PRAC2: variants seen among roughly 807,000 people sequenced by gnomAD.
The protein encoded by PRAC2 is protein PRAC2.
For missense variants in PRAC2, 92 were observed against 114.5 expected (o/e 0.80, Z 0.90); for synonymous variants, 43 against 49.5 (o/e 0.87, Z 0.55).
upstream of PRAC2, among the ~76,000 whole-genome samples, chr17:48,719,239 A>ACACG (rs1555557232): frequency 2.6e-4 from 35 of 136,612 alleles, no homozygotes; most frequent in African/African-American, 9.4e-4. Context: ...ACACACACAC[A>ACACG]CACACGCACA....
chr17:48,723,647 T>TGGC (rs1168745518), intron 1 of PRAC2: 21 of 1,178,962 alleles, frequency 1.8e-5, no homozygotes, highest in Middle Eastern at 3.2e-4. Context: ...GATTCTCGGC[T>TGGC]GGCGGCGGCC....
upstream of PRAC2, among the ~76,000 whole-genome samples, chr17:48,721,463 T>C (rs1487755467): frequency 6.6e-6 from 1 of 152,156 alleles, no homozygotes; most frequent in African/African-American, 2.4e-5. Flanking sequence ...GTAGCTGGAA[T>C]TACAGGTGTG....
chr17:48,719,853 C>G (rs536854346), upstream of PRAC2, among the ~76,000 whole-genome samples: 7 of 152,268 alleles, frequency 4.6e-5, no homozygotes, highest in South Asian at 1.2e-3. Context: ...GCGCGAGGCC[C>G]GGTTTCTCGC....
At chr17:48,719,453 C>T (rs551154289), upstream of PRAC2, among the ~76,000 whole-genome samples, 1 of 152,280 alleles carries the variant, frequency 6.6e-6, no homozygotes, top group Admixed American at 6.5e-5. Context: ...GGCTCGGCAG[C>T]CGCCCTGGTA....
At position 48,724,629 on chromosome 17, in the gene PRAC2, G is replaced by GC. The variant is rs1278179349; in HGVS notation, c.221dup (p.Val75CysfsTer29). On this transcript the variant is annotated frameshift_variant, in exon 2 of 2. Coordinates refer to ENST00000422730, the MANE Select transcript of PRAC2 (RefSeq NM_001282275.2). LOFTEE classifies it low-confidence loss of function (END_TRUNC). ...CCCACGAGGCCCCAGGCCGCTGGAA[G>GC]CCTGTAGCTCCGCGGACGATGAAAG... 5 of 1,232,076 alleles carry GC rather than the reference G, an allele frequency of 4.1e-6. No homozygotes were observed. In the African/African-American group the frequency reaches 7.8e-5, roughly 19 times the overall value. 76.3% of individuals were successfully genotyped at this position (1,232,076 alleles called of 1,614,324 possible).
intron 1 of PRAC2, chr17:48,723,864 C>T (rs913211788): frequency 1.7e-5 from 16 of 968,816 alleles, no homozygotes; most frequent in Non-Finnish European, 2.1e-5. Flanking sequence ...TATTTCGGGC[C>T]TGGAGCCCGC....
chr17:48,721,034 G>A (rs1292129619), upstream of PRAC2, among the ~76,000 whole-genome samples: 1 of 152,188 alleles, frequency 6.6e-6, no homozygotes, highest in Non-Finnish European at 1.5e-5. Flanking sequence ...TGTCATTATG[G>A]GAGGGGGAAC....
chr17:48,722,858 A>C (rs1396307999), upstream of PRAC2, among the ~76,000 whole-genome samples: 3 of 151,980 alleles, frequency 2.0e-5, no homozygotes, highest in African/African-American at 7.3e-5. Flanking sequence ...GTTCAATGGC[A>C]AAGTCCCTGA....
upstream of PRAC2, among the ~76,000 whole-genome samples, chr17:48,720,696 A>G (rs2038136608): frequency 6.6e-6 from 1 of 152,186 alleles, no homozygotes; most frequent in South Asian, 2.1e-4. Context: ...ATTAATGAGT[A>G]GTTGGTTGAC....
At chr17:48,721,644 C>A, upstream of PRAC2, 1 of 684,482 alleles carries the variant, frequency 1.5e-6, no homozygotes, top group Non-Finnish European at 2.2e-6. Context: ...TTTTTTAAGG[C>A]CCAGAGCTTT....
At chr17:48,722,226 A>C (rs2038153267), upstream of PRAC2, 11 of 1,113,634 alleles carry the variant, frequency 9.9e-6, no homozygotes, top group East Asian at 2.4e-5. Flanking sequence ...AAGGCTCCCA[A>C]ATTCCTGGGA....
rs765341927 is a variant in PRAC2 at position 48,724,545 on chromosome 17, G to A, written c.135G>A (p.Pro45=). ...GLSGAGPIHL[P]MPWPNGRRHR... ...CGGGGGCTGGACCAATACATCTGCC[G>A]ATGCCCTGGCCGAATGGCAGGCGAC... The change falls in exon 2 of 2, where the codon CCG becomes CCA. Residue 45 remains proline, a synonymous_variant. Transcript: ENST00000422730. 1.7e-4 allele frequency: 210 copies of A among 1,232,344 alleles called. No homozygotes were observed. The highest frequency in any genetic ancestry group is 2.0e-4 in the Non-Finnish European group (194 of 987,972). The allele number at this position is 1,232,344 out of a possible 1,614,324, so 76.3% of individuals were successfully genotyped here.
chr17:48,723,677 G>T, intron 1 of PRAC2: 2 of 1,230,962 alleles, frequency 1.6e-6, no homozygotes, highest in Non-Finnish European at 2.0e-6. Context: ...TCCCGGAAGC[G>T]CTAGCCAGCC....
chr17:48,724,369 G>GGA lies in PRAC2; in HGVS notation c.-42_-41insGA, dbSNP rs745592280. 8.5e-5 allele frequency: 105 copies of GGA among 1,234,294 alleles called. No individual in the cohort carries two copies. In the African/African-American group the frequency reaches 1.5e-3, roughly 18 times the overall value. 76.5% of individuals were successfully genotyped at this position (1,234,294 alleles called of 1,614,324 possible). On this transcript the variant is annotated 5_prime_UTR_variant, in exon 2 of 2. Transcript: ENST00000422730. ...TCCGAAAAAAAGTGTGTGTGGGGGG[G>GGA]TCCACACCACTAATTATTATGGCGA...
At chr17:48,722,848 G>A (rs2038160244), upstream of PRAC2, among the ~76,000 whole-genome samples, 1 of 151,866 alleles carries the variant, frequency 6.6e-6, no homozygotes, top group East Asian at 1.9e-4. Flanking sequence ...GGAACTTCAA[G>A]TTCAATGGCA....
chr17:48,719,519 G>C (rs1326978760), upstream of PRAC2, among the ~76,000 whole-genome samples: 1 of 152,244 alleles, frequency 6.6e-6, no homozygotes, highest in African/African-American at 2.4e-5. Flanking sequence ...ACCCCGCCGA[G>C]GGAGGGGCGC....
At chr17:48,723,602 T>G in intron 1 of PRAC2, 2 of 800,970 alleles carry the variant, frequency 2.5e-6, no homozygotes, top group Non-Finnish European at 3.4e-6. Context: ...GAACTACTAT[T>G]TGGAGTAGGG....
At chr17:48,722,538 T>G (rs183892842), upstream of PRAC2, 414 of 694,782 alleles carry the variant, frequency 6.0e-4, 1 homozygote, top group Non-Finnish European at 9.4e-4. Context: ...CAGCACTGGG[T>G]GCCCCTCTCC....
upstream of PRAC2, among the ~76,000 whole-genome samples, chr17:48,720,984 A>G (rs191005782): frequency 2.7e-3 from 416 of 152,152 alleles, 3 homozygotes; most frequent in African/African-American, 9.7e-3. Context: ...CTTAGTTTCA[A>G]TTTCTTTAGG....
Sources: gnomAD v4.1 joint callset for allele counts (sites outside exome capture counted in the v4.1 genomes callset) on GRCh38, gnomAD v4.1.1 for gene constraint, MANE v1.5 for transcripts, NCBI Gene and HGNC (gene_info 2026-07-23, HGNC 2026-07-21) for gene names.